RPS15A: variants seen among roughly 807,000 people sequenced by gnomAD.
RPS15A encodes ribosomal protein S15a, also known as small ribosomal subunit protein uS8.
For synonymous variants in RPS15A, 55 were observed against 58.5 expected, an observed-to-expected ratio of 0.94 and a Z score of 0.27; for missense variants, 62 against 163.4, an observed-to-expected ratio of 0.38 and a Z score of 3.38.
chr16:18,787,935 C>T, intron 3 of RPS15A, 128 bp downstream of exon 3: 1 of 667,956 alleles, frequency 1.5e-6, no homozygotes, highest in South Asian at 1.8e-5. Context: ...AATTTTTAAA[C>T]CTTTTTAAAG....
In RPS15A at chr16:18,781,386, T is replaced by C. The variant is rs1233339065; in HGVS notation, c.*1623A>G. The C allele has an allele frequency of 6.6e-6, 1 of 151,728 alleles. No individual in the cohort carries two copies. Among genetic ancestry groups the C allele is most frequent in the African/African-American group, 2.4e-5 (1 of 41,276 alleles). The allele number at this position is 151,728 out of a possible 1,614,324, so 9.4% of individuals were successfully genotyped here. A position where few individuals can be genotyped will look rare whatever the true frequency, so the allele number is the denominator to read the frequency against. The stretch of plus-strand genomic sequence containing the variant: ...AACATGTAAGCGACTGAGGCATCCC[T>C]ACACACCAGGTTTGCAGGCTAGGGA... On this transcript the variant is annotated 3_prime_UTR_variant, in exon 5 of 5. Coordinates refer to ENST00000322989, the MANE Select transcript of RPS15A (RefSeq NM_001019.5).
chr16:18,783,905 G>A (rs1345034664), intron 4 of RPS15A: 2 of 347,846 alleles, frequency 5.7e-6, no homozygotes, highest in East Asian at 1.5e-4. Context: ...TAAGGACAAA[G>A]ACTCCCAAAC....
intron 4 of RPS15A, 145 bp downstream of exon 4, chr16:18,784,593 T>C: frequency 1.5e-6 from 1 of 662,216 alleles, no homozygotes; most frequent in Admixed American, 2.7e-5. Flanking sequence ...GGATAACACT[T>C]GAGCTATTAG....
rs1367730930 is a variant in RPS15A at position 18,782,808 on chromosome 16, T to C, written c.*201A>G. ...GGTTTTGGCAGACAGCAGGGGTGAC[T>C]GTTTCTTAGGCATACTGGTTTCATA... is the stretch of plus-strand genomic sequence containing the variant. On this transcript the variant is annotated 3_prime_UTR_variant, in exon 5 of 5. Transcript: ENST00000322989. 8.3e-6 allele frequency: 4 copies of C among 484,098 alleles called. No individual in the cohort carries two copies. Among genetic ancestry groups the C allele is most frequent in the African/African-American group, 5.9e-5 (3 of 50,932 alleles). 30.0% of individuals were successfully genotyped at this position (484,098 alleles called of 1,614,324 possible).
chr16:18,788,581 T>C (rs2029944900), intron 2 of RPS15A: 1 of 184,890 alleles, frequency 5.4e-6, no homozygotes. Flanking sequence ...CTCCACCTGC[T>C]GGGTTCAAAC....
chr16:18,781,613 G>C lies in RPS15A; in HGVS notation c.*1396C>G, dbSNP rs1386249883. On this transcript the variant is annotated 3_prime_UTR_variant, in exon 5 of 5. Transcript: ENST00000322989. ...TACAGATACGGATGCTGAGGTTACTGAGTGGAAGAGGAAACCTGAATTCTG... is the reference window on the plus strand; with the variant it reads ...TACAGATACGGATGCTGAGGTTACTCAGTGGAAGAGGAAACCTGAATTCTG... 6 of 151,988 alleles carry C rather than the reference G, an allele frequency of 3.9e-5. No homozygotes were observed. The highest frequency in any genetic ancestry group is 3.9e-4 in the Admixed American group (6 of 15,242). The allele number at this position is 151,988 out of a possible 1,614,324, so 9.4% of individuals were successfully genotyped here.
intron 3 of RPS15A, chr16:18,785,527 C>T (rs930641334): frequency 6.6e-6 from 1 of 152,216 alleles, no homozygotes; most frequent in Non-Finnish European, 1.5e-5. Context: ...AGTCCACTAA[C>T]TGATGTCCAC....
At chr16:18,787,907 A>C in intron 3 of RPS15A, 156 bp downstream of exon 3, 1 of 625,444 alleles carries the variant, frequency 1.6e-6, no homozygotes, top group South Asian at 1.9e-5. Context: ...CAGGAGAGCA[A>C]ATGAAGTTCC....
intron 3 of RPS15A, 188 bp from the exon 4 acceptor site, chr16:18,785,011 T>TGC (rs1904024632): frequency 3.8e-6 from 2 of 520,842 alleles, no homozygotes; most frequent in Non-Finnish European, 6.7e-6. Flanking sequence ...AGACTACGCC[T>TGC]GCCTAGGAGA....
Position 18,781,655 on chromosome 16 carries a change from C to T in RPS15A, c.*1354G>A, listed in dbSNP as rs1455347074. The T allele has an allele frequency of 6.6e-6, 1 of 151,868 alleles. No homozygotes were observed. The highest frequency in any genetic ancestry group is 1.5e-5 in the Non-Finnish European group (1 of 67,978). The allele number at this position is 151,868 out of a possible 1,614,324, so 9.4% of individuals were successfully genotyped here. On this transcript the variant is annotated 3_prime_UTR_variant, in exon 5 of 5. Transcript: ENST00000322989. ...TGAATTCTGCTGCTGGACCCCAAAA[C>T]TCATGTTAATTACCCACAGCCTCCC...
At chr16:18,784,138 G>A (rs1440899310) in intron 4 of RPS15A, 2 of 174,888 alleles carry the variant, frequency 1.1e-5, no homozygotes, top group Non-Finnish European at 2.5e-5. Context: ...AAATCCACAA[G>A]AGGCTGAGCG....
At chr16:18,789,560 T>C (rs1441112369) in intron 1 of RPS15A, among the ~76,000 whole-genome samples, 1 of 152,194 alleles carries the variant, frequency 6.6e-6, no homozygotes, top group East Asian at 1.9e-4. Flanking sequence ...ATCAGCAGAT[T>C]CCATACTATT....
chr16:18,787,289 T>A (rs2029904252), intron 3 of RPS15A, among the ~76,000 whole-genome samples: 1 of 152,218 alleles, frequency 6.6e-6, no homozygotes, highest in South Asian at 2.1e-4. Context: ...AGTTTCTGTT[T>A]CTAGTTGGGC....
intron 3 of RPS15A, among the ~76,000 whole-genome samples, chr16:18,787,411 T>C (rs992866757): frequency 3.3e-5 from 5 of 152,170 alleles, no homozygotes; most frequent in Admixed American, 6.5e-5. Context: ...ATAAGGCAGG[T>C]TGGACAAGCC....
rs1903975171 is a variant in RPS15A, at chr16:18,782,190, A to G, written c.*819T>C. On this transcript the variant is annotated 3_prime_UTR_variant, in exon 5 of 5. Transcript: ENST00000322989. ...CACACACCTGTAATCCCAGCTACTC[A>G]GGAGGCTGAGGCACGAGAACTACTT... The G allele has an allele frequency of 8.9e-6, 1 of 112,906 alleles. No homozygotes were observed. The highest frequency in any genetic ancestry group is 3.2e-5 in the African/African-American group (1 of 31,110). 7.0% of individuals were successfully genotyped at this position (112,906 alleles called of 1,614,324 possible). A position where few individuals can be genotyped will look rare whatever the true frequency, so the allele number is the denominator to read the frequency against.
intron 2 of RPS15A, 151 bp from the exon 3 acceptor site, chr16:18,788,293 C>T (rs2641892): frequency 3.3e-6 from 2 of 604,448 alleles, no homozygotes; most frequent in Non-Finnish European, 5.9e-6. Context: ...TGTATCAGAA[C>T]TAATTTTTAC....
chr16:18,783,630 G>C, intron 4 of RPS15A: 1 of 455,462 alleles, frequency 2.2e-6, no homozygotes, highest in South Asian at 1.6e-5. Flanking sequence ...ATTTTGGTGA[G>C]AATACCGTAC....
At chr16:18,788,938 G>A (rs779884564) in intron 2 of RPS15A, 43 bp downstream of exon 2, 1 of 1,584,270 alleles carries the variant, frequency 6.3e-7, no homozygotes, top group Admixed American at 1.8e-5. Flanking sequence ...ATTTCTTAGA[G>A]AGTCTCACAT....
rs1031886891 is a variant in RPS15A at position 18,781,422 on chromosome 16, G to C, written c.*1587C>G. 1 of 151,656 alleles carries C rather than the reference G, an allele frequency of 6.6e-6. No individual in the cohort carries two copies. Among genetic ancestry groups the C allele is most frequent in the South Asian group, 2.1e-4 (1 of 4,806 alleles). 9.4% of individuals were successfully genotyped at this position (151,656 alleles called of 1,614,324 possible). A position where few individuals can be genotyped will look rare whatever the true frequency, so the allele number is the denominator to read the frequency against. On this transcript the variant is annotated 3_prime_UTR_variant, in exon 5 of 5. Coordinates refer to ENST00000322989, the MANE Select transcript of RPS15A (RefSeq NM_001019.5). ...TTTGCAGGCTAGGGACCAGAGACACGATGGTTAAACAAGCCAGAGCCCTGT... is the reference window on the plus strand; with the variant it reads ...TTTGCAGGCTAGGGACCAGAGACACCATGGTTAAACAAGCCAGAGCCCTGT...
Sources: allele counts gnomAD v4.1 joint callset (sites outside exome capture counted in the v4.1 genomes callset), GRCh38; gene constraint gnomAD v4.1.1; transcripts MANE v1.5; gene names NCBI Gene and HGNC (gene_info 2026-07-23, HGNC 2026-07-21).